Variants in MYCL observed in about 807,000 individuals in gnomAD.
MYCL encodes protein L-Myc.
MYCL carries 11 observed loss-of-function variants against 31.0 expected under a neutral mutation model. That is an observed-to-expected ratio of 0.35 (90% confidence interval 0.22 to 0.59). The LOEUF (loss-of-function observed/expected upper bound fraction) is 0.59. Among genes scored for constraint, MYCL ranks in the 20% least tolerant of loss-of-function variants. The probability of loss-of-function intolerance (pLI) is 0.79; values close to 1 mark genes in which losing one functional copy is unlikely to be tolerated. For synonymous variants in MYCL, 208 were observed against 202.4 expected (o/e 1.03, Z -0.23); for missense variants, 427 against 486.1 (o/e 0.88, Z 1.14).
intron 1 of MYCL, chr1:39,898,606 T>C: frequency 5.1e-6 from 5 of 975,204 alleles, no homozygotes; most frequent in Non-Finnish European, 6.1e-6. Flanking sequence ...CTGGGTTCAA[T>C]GGGTTTCTAA....
chr1:39,898,812 G>C (rs1570183734), intron 1 of MYCL: 3 of 985,470 alleles, frequency 3.0e-6, no homozygotes, highest in Non-Finnish European at 3.6e-6. Flanking sequence ...GAGACCTGGA[G>C]ACACCTGGAC....
intron 1 of MYCL, chr1:39,900,730 G>T: frequency 2.1e-6 from 3 of 1,402,954 alleles, no homozygotes; most frequent in Non-Finnish European, 2.8e-6. Flanking sequence ...TCAAAGGGAG[G>T]CTGGCTCCCA....
intron 1 of MYCL, chr1:39,900,038 A>G: frequency 1.0e-6 from 1 of 985,470 alleles, no homozygotes; most frequent in Non-Finnish European, 1.2e-6. Context: ...AGGATGGGAG[A>G]GGAGGGCCTG....
chr1:39,898,061 G>C, intron 1 of MYCL, 91 bp from the exon 2 acceptor site: 2 of 1,506,746 alleles, frequency 1.3e-6, no homozygotes, highest in African/African-American at 2.9e-5. Flanking sequence ...GCTGGTGCTT[G>C]GGAAGGTAGG....
At chr1:39,898,212 A>T in intron 1 of MYCL, 1 of 572,858 alleles carries the variant, frequency 1.7e-6, no homozygotes, top group East Asian at 3.1e-5. Flanking sequence ...TTGCACAGCA[A>T]GGCTTAGATA....
chr1:39,901,252 CGG>C lies in MYCL; in HGVS notation c.181_182del (p.Pro61GlyfsTer32). On this transcript the variant is annotated frameshift_variant, in exon 1 of 2. Transcript: ENST00000372816. LOFTEE classifies it high-confidence loss of function. The surrounding 1 kb of genome is among the most constrained non-coding windows in gnomAD (Gnocchi z 6.9). Reference sequence around the variant, plus strand: ...CGGTGCACCCTCCGGGCCACGGCTCCGGGGGACCAATCCCGGGGGCCGGGTCC... The same window carrying C: ...CGGTGCACCCTCCGGGCCACGGCTCCGGGACCAATCCCGGGGGCCGGGTCC... ...AGDPAPGIGP[P>X]EPWPGGCTGD... 6.2e-7 allele frequency: 1 copy of C among 1,606,458 alleles called. No individual in the cohort carries two copies. Among genetic ancestry groups the C allele is most frequent in the Non-Finnish European group, 8.5e-7 (1 of 1,176,910 alleles).
Position 39,897,829 on chromosome 1 carries a change from T to C in MYCL, c.638A>G (p.Asn213Ser). The change falls in exon 2 of 2, where the codon AAC becomes AGC. Residue 213 changes from asparagine (N) to serine (S), a missense_variant. Physicochemically the swap from Asn to Ser is conservative, Grantham distance 46. Coordinates refer to ENST00000372816, the MANE Select transcript of MYCL (RefSeq NM_001033081.3). The surrounding 1 kb of genome is among the most constrained non-coding windows in gnomAD (Gnocchi z 4.3). The part of the protein sequence containing the change: ...FHISIHQQQH[N>S]YAARFPPESC... ...TTCTGGAGGAAAACGGGCAGCATAGTTGTGCTGTTGCTGATGGATGGAGAT... is the reference window on the plus strand; with the variant it reads ...TTCTGGAGGAAAACGGGCAGCATAGCTGTGCTGTTGCTGATGGATGGAGAT... 6.2e-7 allele frequency: 1 copy of C among 1,614,208 alleles called. No individual in the cohort carries two copies. The highest frequency in any genetic ancestry group is 2.2e-5 in the East Asian group (1 of 44,874).
At position 39,900,951 on chromosome 1, in the gene MYCL, G is replaced by C; in HGVS notation, c.484C>G (p.Pro162Ala). 6.7e-7 allele frequency: 1 copy of C among 1,499,374 alleles called. No individual in the cohort carries two copies. Among genetic ancestry groups the C allele is most frequent in the Non-Finnish European group, 8.9e-7 (1 of 1,125,096 alleles). The allele number at this position is 1,499,374 out of a possible 1,614,324, so 92.9% of individuals were successfully genotyped here. Residue 162 changes from proline (P) to alanine (A), a missense_variant, in exon 1 of 2, where the codon CCA becomes GCA. Transcript: ENST00000372816. ...KTQACSGSES[P>A]SDSENEEIDV... ...GGGAGGTCCTTACCCGAGTCGCTTG[G>C]GCTCTCGGACCCGGAGCAGGCCTGG...
chr1:39,901,027 T>C lies in MYCL; in HGVS notation c.408A>G (p.Glu136=). ...GGGCGGCGGGCGCCGGGTTGCCGGC[T>C]TCGAGGCTGGGAGTGCAGTCCGGGG... ...SAAPDCTPSL[E]AGNPAPAAPC... Residue 136 remains glutamate (E), a synonymous_variant, in exon 1 of 2, where the codon GAA becomes GAG. Transcript: ENST00000372816. This position sits in a 1 kb window ranked among gnomAD's most constrained non-coding sequence, Gnocchi z 6.9. 6.6e-7 allele frequency: 1 copy of C among 1,505,438 alleles called. No individual in the cohort carries two copies. Among genetic ancestry groups the C allele is most frequent in the Non-Finnish European group, 8.9e-7 (1 of 1,128,654 alleles). 93.3% of individuals were successfully genotyped at this position (1,505,438 alleles called of 1,614,324 possible). A position where few individuals can be genotyped will look rare whatever the true frequency, so the allele number is the denominator to read the frequency against.
intron 1 of MYCL, 185 bp downstream of exon 1, chr1:39,900,754 A>G: frequency 7.1e-7 from 1 of 1,414,784 alleles, no homozygotes. Context: ...CACTTTTCCA[A>G]ACTGTTTACC....
In MYCL at chr1:39,901,905, G is replaced by C; in HGVS notation, c.-471C>G. On this transcript the variant is annotated 5_prime_UTR_variant, in exon 1 of 2. Transcript: ENST00000372816. The surrounding 1 kb of genome is among the most constrained non-coding windows in gnomAD (Gnocchi z 6.9). ...CACGCACATGCGCGCCGCCGAGAGC[G>C]CGGCCCGCACTCACAAGCGCGCCCC... 2 of 1,144,434 alleles carry C rather than the reference G, an allele frequency of 1.7e-6. No homozygotes were observed. Among genetic ancestry groups the C allele is most frequent in the Non-Finnish European group, 2.1e-6 (2 of 931,136 alleles). The allele number at this position is 1,144,434 out of a possible 1,614,324, so 70.9% of individuals were successfully genotyped here. A position where few individuals can be genotyped will look rare whatever the true frequency, so the allele number is the denominator to read the frequency against.
rs764355742 is a variant in MYCL, at chr1:39,901,376, T to C, written c.59A>G (p.Tyr20Cys). 9 of 1,611,992 alleles carry C rather than the reference T, an allele frequency of 5.6e-6. No individual in the cohort carries two copies. In the African/African-American group the frequency reaches 6.7e-5, roughly 12 times the overall value. The change falls in exon 1 of 2, where the codon TAC becomes TGC. Residue 20 changes from tyrosine (Y) to cysteine (C), a missense_variant. Tyr to Cys is a radical substitution (Grantham distance 194). Coordinates refer to ENST00000372816, the MANE Select transcript of MYCL (RefSeq NM_001033081.3). This position sits in a 1 kb window ranked among gnomAD's most constrained non-coding sequence, Gnocchi z 6.9. ...GTCCTCGCTGGGCGCCGTGGAGCGGTAGAAATCCTCCCCGCAGTCATAGTC... is the reference window on the plus strand; with the variant it reads ...GTCCTCGCTGGGCGCCGTGGAGCGGCAGAAATCCTCCCCGCAGTCATAGTC... ...FYDYDCGEDF[Y>C]RSTAPSEDIW...
In MYCL at chr1:39,900,883, G is replaced by A. The variant is rs772696960; in HGVS notation, c.496+56C>T. On this transcript the variant is annotated intron_variant, in intron 1 of 1. Transcript: ENST00000372816. ...CAATGCCTGACCTCAGGCAGGGGCA[G>A]AGCTTTGGCCACCCATGGGGTGGCC... is the stretch of plus-strand genomic sequence containing the variant. The A allele has an allele frequency of 1.7e-4, 253 of 1,510,262 alleles. 1 individual carries two copies. Among genetic ancestry groups the A allele is most frequent in the Admixed American group, 7.5e-5 (3 of 39,910 alleles). The allele number at this position is 1,510,262 out of a possible 1,614,324, so 93.6% of individuals were successfully genotyped here.
At chr1:39,899,131 C>A (rs3134613) in intron 1 of MYCL, 492,510 of 970,376 alleles carry the variant, frequency 0.51, 128,703 homozygotes, top group African/African-American at 0.84. Flanking sequence ...TGTGTTTGGA[C>A]TTCTGTCTTA....
Position 39,898,560 on chromosome 1 carries a change from G to A in MYCL, c.497-590C>T, listed in dbSNP as rs1391021448. Reference sequence around the variant, plus strand: ...AACCCATCCCTCTTCACCCACAGAGGGGAGGGAAAGGGTTTCCCTTAGGAG... The same window carrying A: ...AACCCATCCCTCTTCACCCACAGAGAGGAGGGAAAGGGTTTCCCTTAGGAG... On this transcript the variant is annotated intron_variant, in intron 1 of 1. Transcript: ENST00000372816. The A allele has an allele frequency of 2.0e-5, 14 of 697,212 alleles. No individual in the cohort carries two copies. In the African/African-American group the frequency reaches 2.7e-4, roughly 14 times the overall value. The allele number at this position is 697,212 out of a possible 1,614,324, so 43.2% of individuals were successfully genotyped here. A position where few individuals can be genotyped will look rare whatever the true frequency, so the allele number is the denominator to read the frequency against.
rs1644489197 is a variant in MYCL, at chr1:39,897,030, CCT to C, written c.*340_*341del. 7.2e-6 allele frequency: 2 copies of C among 277,758 alleles called. No homozygotes were observed. Among genetic ancestry groups the C allele is most frequent in the Admixed American group, 9.4e-5 (2 of 21,210 alleles). The allele number at this position is 277,758 out of a possible 1,614,324, so 17.2% of individuals were successfully genotyped here. ...GTGAGATTTCATGCAGGCTGGAGCCCCTGACAACATCCACCACCTGTTGCATA... is the reference window on the plus strand; with the variant it reads ...GTGAGATTTCATGCAGGCTGGAGCCCGACAACATCCACCACCTGTTGCATA... On this transcript the variant is annotated 3_prime_UTR_variant, in exon 2 of 2. Coordinates refer to ENST00000372816, the MANE Select transcript of MYCL (RefSeq NM_001033081.3). The surrounding 1 kb of genome is among the most constrained non-coding windows in gnomAD (Gnocchi z 4.3).
intron 1 of MYCL, 85 bp downstream of exon 1, chr1:39,900,854 G>A: frequency 6.6e-7 from 1 of 1,512,482 alleles, no homozygotes; most frequent in East Asian, 2.5e-5. Flanking sequence ...AGCTTGAGAA[G>A]AGCCAATGCC....
At position 39,900,960 on chromosome 1, in the gene MYCL, A is replaced by G; in HGVS notation, c.475T>C (p.Ser159Pro). The G allele has an allele frequency of 6.8e-7, 1 of 1,468,534 alleles. No individual in the cohort carries two copies. The highest frequency in any genetic ancestry group is 9.0e-7 in the Non-Finnish European group (1 of 1,108,522). The allele number at this position is 1,468,534 out of a possible 1,614,324, so 91.0% of individuals were successfully genotyped here. A position where few individuals can be genotyped will look rare whatever the true frequency, so the allele number is the denominator to read the frequency against. The change falls in exon 1 of 2, where the codon TCC becomes CCC. Residue 159 changes from serine (S) to proline (P), a missense_variant. Ser to Pro is a moderately conservative substitution (Grantham distance 74). Coordinates refer to ENST00000372816, the MANE Select transcript of MYCL (RefSeq NM_001033081.3). ...TTACCCGAGTCGCTTGGGCTCTCGG[A>G]CCCGGAGCAGGCCTGGGTCTTGGGT... ...GEPKTQACSGSESPSDSENEE... is the reference protein window; with the variant it reads ...GEPKTQACSGPESPSDSENEE...
Position 39,901,347 on chromosome 1 carries a change from A to T in MYCL, c.88T>A (p.Trp30Arg). 1 of 1,609,834 alleles carries T rather than the reference A, an allele frequency of 6.2e-7. No homozygotes were observed. The highest frequency in any genetic ancestry group is 8.5e-7 in the Non-Finnish European group (1 of 1,178,548). The change falls in exon 1 of 2, where the codon TGG (tryptophan) becomes AGG (arginine). Residue 30 changes from tryptophan to arginine, a missense_variant. Transcript: ENST00000372816. The surrounding 1 kb of genome is among the most constrained non-coding windows in gnomAD (Gnocchi z 6.9). ...GATGGCACCAGCTCGAATTTCTTCC[A>T]GATGTCCTCGCTGGGCGCCGTGGAG... ...YRSTAPSEDI[W>R]KKFELVPSPP...
Sources: allele counts gnomAD v4.1 joint callset, GRCh38; gene constraint gnomAD v4.1.1; non-coding constraint Gnocchi (gnomAD v3.1); transcripts MANE v1.5; gene names NCBI Gene and HGNC (gene_info 2026-07-23, HGNC 2026-07-21).